Variants in DRC11 observed in about 807,000 individuals in gnomAD.
DRC11 encodes the protein IQ and AAA domain-containing protein 1.
At chr2:236,362,888 A>G in the DRC11 span, among the ~76,000 whole-genome samples, 1 of 152,202 alleles carries the variant, frequency 6.6e-6, no homozygotes, top group African/African-American at 2.4e-5. This position sits in a 1 kb window ranked among gnomAD's most constrained non-coding sequence, Gnocchi z 5.7. Flanking sequence ...GGCTAAGGGA[A>G]GAAATCCTAC....
chr2:236,449,978 C>T, the DRC11 span, among the ~76,000 whole-genome samples: 9 of 152,176 alleles, frequency 5.9e-5, no homozygotes. This position sits in a 1 kb window ranked among gnomAD's most constrained non-coding sequence, Gnocchi z 5.1. Flanking sequence ...TGCTCAGAGA[C>T]AGGCGAGAAG....
At chr2:236,460,722 G>A in the DRC11 span, among the ~76,000 whole-genome samples, 1 of 151,960 alleles carries the variant, frequency 6.6e-6, no homozygotes, top group Non-Finnish European at 1.5e-5. The surrounding 1 kb of genome is among the most constrained non-coding windows in gnomAD (Gnocchi z 4.0). Flanking sequence ...TATCCTTCCT[G>A]AAATTTCCAT....
the DRC11 span, among the ~76,000 whole-genome samples, chr2:236,334,980 T>C: frequency 6.6e-6 from 1 of 152,070 alleles, no homozygotes; most frequent in Non-Finnish European, 1.5e-5. The surrounding 1 kb of genome is among the most constrained non-coding windows in gnomAD (Gnocchi z 7.8). Flanking sequence ...GGGGGTGGAT[T>C]TTCTTTGCAG....
At chr2:236,488,087 G>T in the DRC11 span, 1 of 1,609,534 alleles carries the variant, frequency 6.2e-7, no homozygotes, top group Non-Finnish European at 8.5e-7. Context: ...CTTGCAGATA[G>T]ATTTGCTTCA....
At chr2:236,413,596 A>G in the DRC11 span, among the ~76,000 whole-genome samples, 1 of 152,198 alleles carries the variant, frequency 6.6e-6, no homozygotes, top group Non-Finnish European at 1.5e-5. The surrounding 1 kb of genome is among the most constrained non-coding windows in gnomAD (Gnocchi z 4.0). Context: ...GGAGAGGAGG[A>G]GCTGTGGTCA....
At chr2:236,472,597 G>A in the DRC11 span, among the ~76,000 whole-genome samples, 93 of 152,250 alleles carry the variant, frequency 6.1e-4, no homozygotes, top group Middle Eastern at 3.4e-3. This position sits in a 1 kb window ranked among gnomAD's most constrained non-coding sequence, Gnocchi z 4.6. Flanking sequence ...CAGATATCGT[G>A]ACAACATACT....
At chr2:236,398,702 T>C in the DRC11 span, among the ~76,000 whole-genome samples, 3 of 152,176 alleles carry the variant, frequency 2.0e-5, no homozygotes, top group Admixed American at 6.5e-5. This position sits in a 1 kb window ranked among gnomAD's most constrained non-coding sequence, Gnocchi z 6.2. Flanking sequence ...CACTTGCGGA[T>C]CCAGCCAGAT....
At chr2:236,322,268 TC>T in the DRC11 span, among the ~76,000 whole-genome samples, 1 of 137,794 alleles carries the variant, frequency 7.3e-6, no homozygotes, top group Non-Finnish European at 1.5e-5. Flanking sequence ...AGAGTCTCGC[TC>T]TGTTGCCCAG....
At chr2:236,459,558 T>TAC in the DRC11 span, among the ~76,000 whole-genome samples, 1 of 142,118 alleles carries the variant, frequency 7.0e-6, no homozygotes, top group Non-Finnish European at 1.5e-5. Flanking sequence ...TATACATGTA[T>TAC]ACGTATATAT....
the DRC11 span, among the ~76,000 whole-genome samples, chr2:236,450,960 A>C: frequency 6.6e-6 from 1 of 152,296 alleles, no homozygotes; most frequent in East Asian, 1.9e-4. Flanking sequence ...AAATTGCGTT[A>C]TCTCTATAAA....
At chr2:236,396,433 C>G in the DRC11 span, among the ~76,000 whole-genome samples, 1 of 152,090 alleles carries the variant, frequency 6.6e-6, no homozygotes. Flanking sequence ...TGGCAGATAA[C>G]AAGTCCAATG....
the DRC11 span, among the ~76,000 whole-genome samples, chr2:236,449,517 G>A: frequency 1.3e-5 from 2 of 152,344 alleles, no homozygotes; most frequent in Non-Finnish European, 2.9e-5. The surrounding 1 kb of genome is among the most constrained non-coding windows in gnomAD (Gnocchi z 5.1). Context: ...CCCACAGTCC[G>A]GAGGCGGGGG....
the DRC11 span, among the ~76,000 whole-genome samples, chr2:236,358,640 C>T: frequency 6.9e-6 from 1 of 144,858 alleles, no homozygotes; most frequent in Non-Finnish European, 1.5e-5. Context: ...CTGATCTCTG[C>T]CCTGGAGTCA....
the DRC11 span, among the ~76,000 whole-genome samples, chr2:236,356,899 G>GTATATTTATATATGATATATATTCATA: frequency 7.9e-6 from 1 of 127,276 alleles, no homozygotes; most frequent in Non-Finnish European, 1.6e-5. Context: ...TTTATAATAT[G>GTATATTTATATATGATATATATTCATA]TATATTTATA....
At chr2:236,378,631 C>T in the DRC11 span, among the ~76,000 whole-genome samples, 3 of 149,616 alleles carry the variant, frequency 2.0e-5, no homozygotes, top group African/African-American at 5.0e-5. Flanking sequence ...GCTGAGATGG[C>T]GCAAGTTCTC....
At chr2:236,392,514 T>A in the DRC11 span, 1 of 443,872 alleles carries the variant, frequency 2.3e-6, no homozygotes, top group Non-Finnish European at 3.9e-6. The surrounding 1 kb of genome is among the most constrained non-coding windows in gnomAD (Gnocchi z 5.1). Context: ...TAAAATAAGC[T>A]GGACAGATGA....
the DRC11 span, among the ~76,000 whole-genome samples, chr2:236,381,449 C>T: frequency 6.6e-6 from 1 of 151,214 alleles, no homozygotes; most frequent in African/African-American, 2.4e-5. The surrounding 1 kb of genome is among the most constrained non-coding windows in gnomAD (Gnocchi z 5.8). Flanking sequence ...GCAGTCCAAA[C>T]AGACTAAGGC....
At chr2:236,473,453 G>A in the DRC11 span, among the ~76,000 whole-genome samples, 1 of 152,334 alleles carries the variant, frequency 6.6e-6, no homozygotes. This position sits in a 1 kb window ranked among gnomAD's most constrained non-coding sequence, Gnocchi z 4.8. Flanking sequence ...ATGGGAAAGT[G>A]AACAGGGTTT....
At chr2:236,357,750 A>G in the DRC11 span, among the ~76,000 whole-genome samples, 1 of 126,846 alleles carries the variant, frequency 7.9e-6, no homozygotes, top group Non-Finnish European at 1.5e-5. Flanking sequence ...ATATGTAAAT[A>G]TATAAATATA....
Sources: gnomAD v4.1 joint callset for allele counts (sites outside exome capture counted in the v4.1 genomes callset) on GRCh38, gnomAD v4.1.1 for gene constraint, Gnocchi (gnomAD v3.1) non-coding constraint, MANE v1.5 for transcripts, NCBI Gene and HGNC (gene_info 2026-07-23, HGNC 2026-07-21) for gene names.